The following SLC2A5 variants were observed in gnomAD, a reference collection of about 807,000 sequenced individuals.
The protein encoded by SLC2A5 is solute carrier family 2, facilitated glucose transporter member 5.
Under a neutral mutation model 50.3 loss-of-function variants are expected in SLC2A5, and 56 were observed. The ratio of observed to expected loss-of-function variants is 1.11; its 90% confidence interval spans 0.90 to 1.39. The LOEUF (loss-of-function observed/expected upper bound fraction) is 1.39. Among genes scored for constraint, SLC2A5 ranks in the 40% most tolerant of loss-of-function variants. The pLI, the probability that SLC2A5 is intolerant of heterozygous loss-of-function variation, is 0.00. For missense variants in SLC2A5, 566 were observed against 650.1 expected (o/e 0.87, Z 1.41); for synonymous variants, 269 against 281.9 (o/e 0.95, Z 0.46).
rs1271585167 is a variant in SLC2A5, at chr1:9,038,847, G to C, written c.1079C>G (p.Thr360Ser). ...CCTCACCTGCAGTGCCAGAGCTGCA[G>C]TGAGCACGCAGCAGGCTATGAGGCA... ...SICLIACCVL[T>S]AALALQDTVS... The change falls in exon 9 of 12, where the codon ACT becomes AGT. Residue 360 changes from threonine (T) to serine (S), a missense_variant. Physicochemically the swap from Thr to Ser is moderately conservative, Grantham distance 58 (BLOSUM62 1). Transcript: ENST00000377424. 1.2e-6 allele frequency: 2 copies of C among 1,611,914 alleles called. No homozygotes were observed.
chr1:9,071,023 A>C (rs1489716582), upstream of SLC2A5, among the ~76,000 whole-genome samples: 1 of 152,192 alleles, frequency 6.6e-6, no homozygotes, highest in Non-Finnish European at 1.5e-5. Context: ...AAAAGTTTCC[A>C]AAGAAAATGC....
intron 4 of SLC2A5, among the ~76,000 whole-genome samples, chr1:9,042,655 GGTGTGTGT>G (rs141485120): frequency 7.3e-6 from 1 of 136,736 alleles, no homozygotes; most frequent in Non-Finnish European, 1.6e-5. Context: ...GTGTGGCCTG[GGTGTGTGT>G]GTGTGTGTGT....
chr1:9,052,663 C>T (rs942449560), intron 3 of SLC2A5, among the ~76,000 whole-genome samples: 1 of 152,096 alleles, frequency 6.6e-6, no homozygotes, highest in Non-Finnish European at 1.5e-5. Flanking sequence ...AGGAGAGGTA[C>T]ATGGGAAGTC....
intron 3 of SLC2A5, chr1:9,049,103 G>A (rs1341885434): frequency 2.2e-6 from 1 of 456,156 alleles, no homozygotes; most frequent in Non-Finnish European, 4.4e-6. Flanking sequence ...AGCCTACCCT[G>A]GAGATCCTGA....
At chr1:9,094,044 TACA>T in the SLC2A5 span, among the ~76,000 whole-genome samples, 3 of 152,184 alleles carry the variant, frequency 2.0e-5, no homozygotes, top group African/African-American at 7.2e-5. Context: ...ACGCCCCTTT[TACA>T]ACAAGCCTCA....
chr1:9,040,189 C>A lies in SLC2A5; in HGVS notation c.572G>T (p.Gly191Val). 1 of 1,548,732 alleles carries A rather than the reference C, an allele frequency of 6.5e-7. No individual in the cohort carries two copies. The highest frequency in any genetic ancestry group is 8.7e-7 in the Non-Finnish European group (1 of 1,147,550). The part of the protein sequence containing the change: ...GLRNLLANVD[G>V]WPILLGLTGV... ...GGTCAGCCCCAGCAGGATCGGCCAG[C>A]CTGGGAGGAAGGCAGCGAGCTGGCA... The change falls in exon 6 of 12, where the codon GGC becomes GTC. Residue 191 changes from glycine (G) to valine (V), a missense_variant and splice_region_variant. Gly to Val is a moderately radical substitution (Grantham distance 109). Coordinates refer to ENST00000377424, the MANE Select transcript of SLC2A5 (RefSeq NM_003039.3). The surrounding 1 kb of genome is among the most constrained non-coding windows in gnomAD (Gnocchi z 4.3).
chr1:9,090,730 G>C (rs12727982), upstream of SLC2A5, among the ~76,000 whole-genome samples: 13,093 of 152,228 alleles, frequency 0.086, 691 homozygotes, highest in Middle Eastern at 0.2. Context: ...GACACAGGCT[G>C]CTCCCAACAA....
At chr1:9,068,944 A>C (rs1642153952) in intron 1 of SLC2A5, among the ~76,000 whole-genome samples, 3 of 152,218 alleles carry the variant, frequency 2.0e-5, no homozygotes, top group African/African-American at 7.2e-5. Flanking sequence ...GGGAATCTAG[A>C]AAGTAAACTG....
At chr1:9,057,706 A>G (rs1641797585) in intron 2 of SLC2A5, 98 bp from the exon 3 acceptor site, 1 of 1,016,396 alleles carries the variant, frequency 9.8e-7, no homozygotes, top group East Asian at 2.6e-5. Context: ...ACCTGGGCAC[A>G]CAGAGACCAA....
upstream of SLC2A5, among the ~76,000 whole-genome samples, chr1:9,070,089 T>G (rs1642184355): frequency 7.1e-6 from 1 of 140,508 alleles, no homozygotes; most frequent in Non-Finnish European, 1.5e-5. Flanking sequence ...TTTTTTTTTT[T>G]TTTTTTTTTT....
At chr1:9,068,648 C>T (rs1315009010) in intron 1 of SLC2A5, among the ~76,000 whole-genome samples, 1 of 152,016 alleles carries the variant, frequency 6.6e-6, no homozygotes, top group Non-Finnish European at 1.5e-5. Context: ...GATGGGGTTT[C>T]ACCATGTTGG....
chr1:9,069,766 TG>T, upstream of SLC2A5: 1 of 577,234 alleles, frequency 1.7e-6, no homozygotes, highest in Non-Finnish European at 3.1e-6. Context: ...GGGTGCCCCC[TG>T]GGGACTGCAG....
At chr1:9,071,178 G>A (rs1433579653), upstream of SLC2A5, among the ~76,000 whole-genome samples, 3 of 152,202 alleles carry the variant, frequency 2.0e-5, no homozygotes, top group Non-Finnish European at 4.4e-5. Flanking sequence ...GGGAAGCCAA[G>A]GTGGGTGGAT....
In SLC2A5 at chr1:9,037,653, T is replaced by G. The variant is rs757983968; in HGVS notation, c.1439A>C (p.Lys480Thr). ...EINQIFTKMNKVSEVYPEKEE... is the reference protein window; with the variant it reads ...EINQIFTKMNTVSEVYPEKEE... ...CTTTTCCGGGTACACTTCAGACACCTTATTCATCTTGGTGAAAATCTGGTT... is the reference window on the plus strand; with the variant it reads ...CTTTTCCGGGTACACTTCAGACACCGTATTCATCTTGGTGAAAATCTGGTT... Residue 480 changes from lysine (K) to threonine (T), a missense_variant, in exon 12 of 12, where the codon AAG becomes ACG. Coordinates refer to ENST00000377424, the MANE Select transcript of SLC2A5 (RefSeq NM_003039.3). The G allele has an allele frequency of 1.4e-5, 23 of 1,614,060 alleles. No homozygotes were observed. In the African/African-American group the frequency reaches 2.9e-4, roughly 21 times the overall value.
chr1:9,039,338 A>C (rs892882701), intron 8 of SLC2A5, among the ~76,000 whole-genome samples: 5 of 152,222 alleles, frequency 3.3e-5, no homozygotes, highest in African/African-American at 9.6e-5. Flanking sequence ...GCACGCCTAC[A>C]TCCCGGTCAG....
intron 3 of SLC2A5, among the ~76,000 whole-genome samples, chr1:9,054,784 C>A (rs1641708849): frequency 6.6e-6 from 1 of 152,044 alleles, no homozygotes; most frequent in South Asian, 2.1e-4. Context: ...ATGAGCTGAG[C>A]ACCATGGCAC....
At chr1:9,044,792 T>G (rs1250109418) in intron 4 of SLC2A5, among the ~76,000 whole-genome samples, 1 of 152,178 alleles carries the variant, frequency 6.6e-6, no homozygotes, top group Non-Finnish European at 1.5e-5. Flanking sequence ...TGACCTCAAG[T>G]GATCCAACTG....
intron 3 of SLC2A5, among the ~76,000 whole-genome samples, chr1:9,048,090 A>C (rs1641480449): frequency 6.6e-6 from 1 of 152,230 alleles, no homozygotes; most frequent in Non-Finnish European, 1.5e-5. Context: ...AGGACATTAG[A>C]GGAAAAGAAA....
In SLC2A5 at chr1:9,054,015, C is replaced by T. The variant is rs543878768; in HGVS notation, c.293+3433G>A. Among the ~76,000 whole-genome samples, 83 of 151,790 alleles carry T rather than the reference C, an allele frequency of 5.5e-4. 1 individual carries two copies. The highest frequency in any genetic ancestry group is 2.0e-3 in the African/African-American group (82 of 41,402). On this transcript the variant is annotated intron_variant, in intron 3 of 11. Coordinates refer to ENST00000377424, the MANE Select transcript of SLC2A5 (RefSeq NM_003039.3). Reference sequence around the variant, plus strand: ...AAATGAAAAATATAATCATTAAAAACGTAGCAGGTTTATTACATCCGAAGA... The same window carrying T: ...AAATGAAAAATATAATCATTAAAAATGTAGCAGGTTTATTACATCCGAAGA...
Sources: allele counts gnomAD v4.1 joint callset (sites outside exome capture counted in the v4.1 genomes callset), GRCh38; gene constraint gnomAD v4.1.1; non-coding constraint Gnocchi (gnomAD v3.1); transcripts MANE v1.5; gene names NCBI Gene and HGNC (gene_info 2026-07-23, HGNC 2026-07-21).